The following GPR158 variants were observed in gnomAD, a reference collection of about 807,000 sequenced individuals.
GPR158 encodes metabotropic glycine receptor.
GPR158 carries 30 observed loss-of-function variants against 78.2 expected under a neutral mutation model. That is an observed-to-expected ratio of 0.38 (90% CI 0.29 to 0.52). GPR158 has a LOEUF of 0.52. Among genes scored for constraint, GPR158 ranks in the 20% least tolerant of loss-of-function variants. GPR158 has a pLI of 0.83. For missense variants in GPR158, 1,463 were observed against 1,523.5 expected, an observed-to-expected ratio of 0.96 and a Z score of 0.66; for synonymous variants, 581 against 591.1, an observed-to-expected ratio of 0.98 and a Z score of 0.25.
Position 25,495,378 on chromosome 10 carries a change from C to A in GPR158, c.1404+28659C>A, listed in dbSNP as rs3005185. 4.4e-3 allele frequency among the ~76,000 whole-genome samples: 641 copies of A among 146,620 alleles called. 9 individuals are homozygous for A. Among genetic ancestry groups the A allele is most frequent in the African/African-American group, 0.015 (613 of 39,632 alleles). Reference sequence around the variant, plus strand: ...CACGATCTTGGCTCACTGCAAGCTCCGCCTCCCAGGTTCACACCATTCTCC... The same window carrying A: ...CACGATCTTGGCTCACTGCAAGCTCAGCCTCCCAGGTTCACACCATTCTCC... On this transcript the variant is annotated intron_variant, in intron 5 of 10. Transcript: ENST00000376351.
chr10:25,175,496 C>T lies in GPR158; in HGVS notation c.76C>T (p.Arg26Cys). 2 of 1,611,832 alleles carry T rather than the reference C, an allele frequency of 1.2e-6. No individual in the cohort carries two copies. Among genetic ancestry groups the T allele is most frequent in the African/African-American group, 1.3e-5 (1 of 75,034 alleles). The part of the protein sequence containing the change: ...QLGLGAVGAS[R>C]DPQGRPDSPR... ...GGGATTGGGAGCTGTTGGCGCCAGCCGCGACCCCCAAGGACGGCCGGATTC... is the reference window on the plus strand; with the variant it reads ...GGGATTGGGAGCTGTTGGCGCCAGCTGCGACCCCCAAGGACGGCCGGATTC... The change falls in exon 1 of 11, where the codon CGC (arginine) becomes TGC (cysteine). Residue 26 changes from arginine to cysteine, a missense_variant. Coordinates refer to ENST00000376351, the MANE Select transcript of GPR158 (RefSeq NM_020752.3). This position sits in a 1 kb window ranked among gnomAD's most constrained non-coding sequence, Gnocchi z 6.4.
chr10:25,324,029 C>T (rs1338613044), intron 2 of GPR158, among the ~76,000 whole-genome samples: 1 of 152,206 alleles, frequency 6.6e-6, no homozygotes, highest in Non-Finnish European at 1.5e-5. Context: ...GATTAGGTTA[C>T]AGATCAAGGG....
intron 7 of GPR158, among the ~76,000 whole-genome samples, chr10:25,576,899 T>C (rs1484956859): frequency 6.6e-6 from 1 of 151,616 alleles, no homozygotes; most frequent in Non-Finnish European, 1.5e-5. Context: ...TCACAGTCAT[T>C]GCTTTTGTCC....
intron 2 of GPR158, among the ~76,000 whole-genome samples, chr10:25,280,677 A>G (rs1375886770): frequency 2.0e-5 from 3 of 152,200 alleles, no homozygotes; most frequent in Non-Finnish European, 4.4e-5. Context: ...AAAGTTGACC[A>G]TGAAGCCATA....
At chr10:25,288,530 A>T (rs114650701) in intron 2 of GPR158, among the ~76,000 whole-genome samples, 2,012 of 152,282 alleles carry the variant, frequency 0.013, 30 homozygotes, top group South Asian at 0.057. Context: ...ATTCATTTTT[A>T]AAAAATTTCT....
intron 4 of GPR158, among the ~76,000 whole-genome samples, chr10:25,463,225 C>T (rs1458844211): frequency 1.3e-5 from 2 of 152,182 alleles, no homozygotes; most frequent in Non-Finnish European, 2.9e-5. Flanking sequence ...TTCCTTAAGG[C>T]AAGTACATTA....
At chr10:25,369,795 T>C (rs1391405354) in intron 2 of GPR158, among the ~76,000 whole-genome samples, 1 of 152,090 alleles carries the variant, frequency 6.6e-6, no homozygotes, top group East Asian at 1.9e-4. Flanking sequence ...ATCCATCTGG[T>C]CCTGGACTCT....
chr10:25,221,579 G>A (rs1853300309), intron 2 of GPR158, among the ~76,000 whole-genome samples: 1 of 152,130 alleles, frequency 6.6e-6, no homozygotes, highest in South Asian at 2.1e-4. Flanking sequence ...AAGGCATGGT[G>A]GGGCAATTTT....
In GPR158 at chr10:25,600,392, A is replaced by G. The variant is rs145479267; in HGVS notation, c.*1118A>G. On this transcript the variant is annotated 3_prime_UTR_variant, in exon 11 of 11. Transcript: ENST00000376351. ...AAAGGGAAGACTCTAGGGATGACAT[A>G]AGAATTATAGCAGTACTATAAACCC... The G allele has an allele frequency of 2.6e-4, 39 of 152,624 alleles. No individual in the cohort carries two copies. The highest frequency in any genetic ancestry group is 8.7e-4 in the African/African-American group (36 of 41,552). The allele number at this position is 152,624 out of a possible 1,614,324, so 9.5% of individuals were successfully genotyped here.
intron 2 of GPR158, among the ~76,000 whole-genome samples, chr10:25,318,014 T>C (rs67709672): frequency 0.2 from 30,585 of 152,012 alleles, 5,197 homozygotes; most frequent in African/African-American, 0.47. Flanking sequence ...TGAGTCACCG[T>C]GCCTGGCCCA....
intron 1 of GPR158, among the ~76,000 whole-genome samples, chr10:25,209,798 T>A (rs528929301): frequency 1.3e-5 from 2 of 152,340 alleles, no homozygotes; most frequent in East Asian, 3.9e-4. Flanking sequence ...CTGCTTATAT[T>A]TGCTAAGTAA....
At chr10:25,400,257 T>TTAATTTTATAATTAATTTATAATTTA (rs1216600131) in intron 3 of GPR158, among the ~76,000 whole-genome samples, 1 of 152,208 alleles carries the variant, frequency 6.6e-6, no homozygotes, top group Admixed American at 6.6e-5. Flanking sequence ...TAAAATTTAC[T>TTAATTTTATAATTAATTTATAATTTA]TAATTTATAA....
chr10:25,563,330 T>G (rs757467183), intron 6 of GPR158, among the ~76,000 whole-genome samples: 10 of 152,178 alleles, frequency 6.6e-5, no homozygotes, highest in Non-Finnish European at 1.2e-4. Flanking sequence ...TTACAAACTA[T>G]TATTTCATTA....
chr10:25,348,229 C>G (rs1291027573), intron 2 of GPR158, among the ~76,000 whole-genome samples: 1 of 151,744 alleles, frequency 6.6e-6, no homozygotes, highest in Non-Finnish European at 1.5e-5. Flanking sequence ...GGATTTTAAG[C>G]CAACTCCTGA....
intron 5 of GPR158, among the ~76,000 whole-genome samples, chr10:25,474,630 T>G (rs1475644951): frequency 6.6e-6 from 1 of 152,186 alleles, no homozygotes; most frequent in Non-Finnish European, 1.5e-5. Context: ...ATAATGTCAT[T>G]CTCTTGCACA....
chr10:25,375,375 A>T (rs2130557065), intron 2 of GPR158, among the ~76,000 whole-genome samples: 1 of 151,728 alleles, frequency 6.6e-6, no homozygotes, highest in East Asian at 1.9e-4. Context: ...ATTTTGATGA[A>T]GTCCAATTTT....
chr10:25,386,972 T>C (rs998274798), intron 2 of GPR158, among the ~76,000 whole-genome samples: 1 of 152,206 alleles, frequency 6.6e-6, no homozygotes, highest in Non-Finnish European at 1.5e-5. Context: ...TTAGTTTTTT[T>C]TCTTGACTAA....
intron 4 of GPR158, among the ~76,000 whole-genome samples, chr10:25,459,556 A>T (rs990716446): frequency 6.6e-6 from 1 of 152,216 alleles, no homozygotes; most frequent in African/African-American, 2.4e-5. Context: ...AGAGGCTAAA[A>T]ATGCTTAAAA....
intron 2 of GPR158, among the ~76,000 whole-genome samples, chr10:25,249,244 A>C (rs1223052751): frequency 6.6e-6 from 1 of 152,152 alleles, no homozygotes; most frequent in Non-Finnish European, 1.5e-5. Context: ...ATATACAATC[A>C]TGTCATCTGC....
Sources: allele counts gnomAD v4.1 joint callset (sites outside exome capture counted in the v4.1 genomes callset), GRCh38; gene constraint gnomAD v4.1.1; non-coding constraint Gnocchi (gnomAD v3.1); transcripts MANE v1.5; gene names NCBI Gene and HGNC (gene_info 2026-07-23, HGNC 2026-07-21).